The following RNF213 variants were observed in gnomAD, a reference collection of about 807,000 sequenced individuals.
RNF213 encodes the protein ring finger protein 213, also known as E3 ubiquitin-protein ligase RNF213.
A neutral mutation model predicts 514.4 loss-of-function variants in RNF213; 341 were observed. That is an observed-to-expected ratio of 0.66 (90% CI 0.61 to 0.73). The LOEUF is 0.73. Among genes scored for constraint, RNF213 ranks in the 30% least tolerant of loss-of-function variants. RNF213 has a pLI of 0.00. For missense variants in RNF213, 5,767 were observed against 6,615.6 expected, an observed-to-expected ratio of 0.87 and a Z score of 4.45; for synonymous variants, 2,655 against 2,658.2, an observed-to-expected ratio of 1.00 and a Z score of 0.04.
Position 80,393,354 on chromosome 17 carries a change from C to T in RNF213, c.15480C>T (p.Asp5160=), listed in dbSNP as rs780729220. The T allele has an allele frequency of 6.2e-7, 1 of 1,614,012 alleles. No individual in the cohort carries two copies. The highest frequency in any genetic ancestry group is 2.2e-5 in the East Asian group (1 of 44,882). ...ERFRPQWSLR[D]TLVSYMQTKE... ...TTCTTTGGTTTTTCAGCCTGAGAGA[C>T]ACTCTCGTAAGTTACATGCAAACTA... Residue 5160 remains aspartate, a synonymous_variant, in exon 68 of 68, where the codon GAC becomes GAT. Transcript: ENST00000582970.
rs761220586 is a variant in RNF213, at chr17:80,323,803, T to G, written c.3025-1227T>G. ...ATTTTTCATAGTTTAAATTTTGCAC[T>G]TCTTTTGTTAAATTTCTAAGTACTT... On this transcript the variant is annotated intron_variant, in intron 17 of 67. Coordinates refer to ENST00000582970, the MANE Select transcript of RNF213 (RefSeq NM_001256071.3). Among the ~76,000 whole-genome samples the G allele has an allele frequency of 1.1e-4, 16 of 146,034 alleles. 1 individual carries two copies. Among genetic ancestry groups the G allele is most frequent in the Non-Finnish European group, 2.1e-4 (14 of 66,472 alleles).
intron 67 of RNF213, among the ~76,000 whole-genome samples, chr17:80,392,080 T>C (rs138618978): frequency 7.3e-4 from 111 of 152,168 alleles, no homozygotes; most frequent in African/African-American, 2.6e-3. Context: ...TCCTCTCTCT[T>C]CTTGTGCTTT....
At position 80,388,594 on chromosome 17, in the gene RNF213, T is replaced by C. The variant is rs993357009; in HGVS notation, c.14923-18T>C. On this transcript the variant is annotated intron_variant, in intron 63 of 67. Coordinates refer to ENST00000582970, the MANE Select transcript of RNF213 (RefSeq NM_001256071.3). Reference sequence around the variant, plus strand: ...CGATGGATTTAATTTTAAAAAACTTTTTTCTTTCCCAATTTAGGGAATACC... The same window carrying C: ...CGATGGATTTAATTTTAAAAAACTTCTTTCTTTCCCAATTTAGGGAATACC... 6.3e-7 allele frequency: 1 copy of C among 1,576,668 alleles called. No individual in the cohort carries two copies. Among genetic ancestry groups the C allele is most frequent in the South Asian group, 1.1e-5 (1 of 90,366 alleles).
intron 58 of RNF213, among the ~76,000 whole-genome samples, chr17:80,383,314 A>T (rs1184792315): frequency 6.6e-6 from 1 of 152,228 alleles, no homozygotes; most frequent in Non-Finnish European, 1.5e-5. Context: ...CAGCAAGTGC[A>T]GGCAGTGTTT....
intron 3 of RNF213, among the ~76,000 whole-genome samples, chr17:80,277,876 G>T (rs764738198): frequency 6.6e-6 from 1 of 152,222 alleles, no homozygotes; most frequent in Non-Finnish European, 1.5e-5. Flanking sequence ...AGCGAGCTGC[G>T]TGGCCAGCCT....
chr17:80,287,690 A>T (rs1351553116), intron 3 of RNF213, 125 bp from the exon 4 acceptor site: 20 of 887,076 alleles, frequency 2.3e-5, no homozygotes, highest in Non-Finnish European at 2.4e-5. Context: ...GATTTAACAG[A>T]TGTTAGGTAC....
chr17:80,369,736 G>A, intron 45 of RNF213, 32 bp from the exon 46 acceptor site: 2 of 1,612,782 alleles, frequency 1.2e-6, no homozygotes, highest in Non-Finnish European at 1.7e-6. Flanking sequence ...CATGTCTCAT[G>A]CAGTGAGCTG....
intron 46 of RNF213, among the ~76,000 whole-genome samples, chr17:80,371,324 G>A (rs189787769): frequency 1.6e-4 from 25 of 152,324 alleles, no homozygotes; most frequent in Middle Eastern, 3.4e-3. Context: ...TCGCTATTCC[G>A]AGTATATGAG....
Position 80,395,328 on chromosome 17 carries a change from G to T in RNF213, c.*1830G>T, listed in dbSNP as rs2080633526. 6.6e-6 allele frequency: 1 copy of T among 152,152 alleles called. No individual in the cohort carries two copies. Among genetic ancestry groups the T allele is most frequent in the Admixed American group, 6.5e-5 (1 of 15,284 alleles). 9.4% of individuals were successfully genotyped at this position (152,152 alleles called of 1,614,324 possible). On this transcript the variant is annotated 3_prime_UTR_variant, in exon 68 of 68. Transcript: ENST00000582970. ...TGCTAAAGAACTCTTCTCTCTGGGG[G>T]CAGAGCTTCTATTTATGGCACATAG...
rs1598926625 is a variant in RNF213 at position 80,288,459 on chromosome 17, A to G, written c.810+96A>G. On this transcript the variant is annotated intron_variant, in intron 4 of 67. Coordinates refer to ENST00000582970, the MANE Select transcript of RNF213 (RefSeq NM_001256071.3). The surrounding 1 kb of genome is among the most constrained non-coding windows in gnomAD (Gnocchi z 4.9). ...CTGGCGTTGCTTCCCTGCCGGGGGG[A>G]GGGGCGTCCTCTGGGCCCTGCTCCC... 6.3e-7 allele frequency: 1 copy of G among 1,592,722 alleles called. No homozygotes were observed.
chr17:80,375,460 G>T (rs2079710569), intron 50 of RNF213, among the ~76,000 whole-genome samples: 1 of 152,090 alleles, frequency 6.6e-6, no homozygotes, highest in Non-Finnish European at 1.5e-5. Context: ...CTAGCACTTT[G>T]GGAGGCCGAG....
chr17:80,370,358 A>C (rs1041073525), intron 46 of RNF213, among the ~76,000 whole-genome samples: 1 of 152,230 alleles, frequency 6.6e-6, no homozygotes, highest in East Asian at 1.9e-4. Context: ...TGCAGTTCTC[A>C]AAGTGTTGGT....
chr17:80,330,503 C>A (rs1599036540), intron 20 of RNF213, among the ~76,000 whole-genome samples: 1 of 152,166 alleles, frequency 6.6e-6, no homozygotes. Flanking sequence ...GGCTGGCGGG[C>A]CTTGGCATCC....
intron 55 of RNF213, 99 bp downstream of exon 55, chr17:80,379,813 TACTCC>T (rs2079913640): frequency 2.1e-6 from 2 of 945,846 alleles, no homozygotes; most frequent in Non-Finnish European, 3.4e-6. Context: ...TAGTACTAAT[TACTCC>T]AGTACATGTG....
chr17:80,286,204 C>T lies in RNF213; in HGVS notation c.262-1611C>T, dbSNP rs190532901. 1.0e-3 allele frequency among the ~76,000 whole-genome samples: 157 copies of T among 151,390 alleles called. 1 individual carries two copies. The East Asian group carries it at 0.011, about 10-fold the overall frequency. On this transcript the variant is annotated intron_variant, in intron 3 of 67. Coordinates refer to ENST00000582970, the MANE Select transcript of RNF213 (RefSeq NM_001256071.3). ...TTGGTGGCCTGGGGTTGGTGTCGGA[C>T]GCAGGCCGGTGTTGGACGCAGGCCG...
In RNF213 at chr17:80,374,569, G is replaced by T; in HGVS notation, c.13054G>T (p.Gly4352Cys). The change falls in exon 50 of 68, where the codon GGC becomes TGC. Residue 4352 changes from glycine (G) to cysteine (C), a missense_variant. Physicochemically the swap from Gly to Cys is radical, Grantham distance 159. Transcript: ENST00000582970. The stretch of plus-strand genomic sequence containing the variant: ...AGCTGTCCTCGAGTGCAAGCCACTG[G>T]GCATTAAGACTGCTCTGAAGGTAGG... ...AKAVLECKPL[G>C]IKTALKACKT... 6.2e-7 allele frequency: 1 copy of T among 1,614,160 alleles called. No homozygotes were observed. Among genetic ancestry groups the T allele is most frequent in the Non-Finnish European group, 8.5e-7 (1 of 1,180,018 alleles).
At chr17:80,350,564 G>C (rs1186853645) in intron 31 of RNF213, among the ~76,000 whole-genome samples, 168 bp downstream of exon 31, 1 of 152,172 alleles carries the variant, frequency 6.6e-6, no homozygotes. Context: ...AAACTGAAGA[G>C]AGACAAAAAG....
intron 5 of RNF213, 27 bp from the exon 6 acceptor site, chr17:80,289,632 A>T: frequency 6.2e-7 from 1 of 1,612,408 alleles, no homozygotes; most frequent in Non-Finnish European, 8.5e-7. Context: ...CCGGCCTTCA[A>T]GGTCAGGGTT....
chr17:80,336,574 A>G, intron 23 of RNF213, 196 bp downstream of exon 23: 1 of 671,102 alleles, frequency 1.5e-6, no homozygotes, highest in Non-Finnish European at 2.7e-6. Context: ...ATACAAAATT[A>G]CATGACACAT....
Sources: allele counts gnomAD v4.1 joint callset (sites outside exome capture counted in the v4.1 genomes callset), GRCh38; gene constraint gnomAD v4.1.1; non-coding constraint Gnocchi (gnomAD v3.1); transcripts MANE v1.5; gene names NCBI Gene and HGNC (gene_info 2026-07-23, HGNC 2026-07-21).